Variants in SIGLEC5 observed in about 807,000 individuals in gnomAD.
SIGLEC5 encodes the protein sialic acid binding Ig like lectin 5.
In SIGLEC5, 34 loss-of-function variants were observed where a neutral mutation model predicts 45.9. That is an observed-to-expected ratio of 0.74 (90% CI 0.56 to 0.99). The LOEUF (loss-of-function observed/expected upper bound fraction) is 0.99. Among genes scored for constraint, SIGLEC5 ranks in the 50% least tolerant of loss-of-function variants. The probability of loss-of-function intolerance (pLI) is 0.00; values close to 1 mark genes in which losing one functional copy is unlikely to be tolerated. For missense variants in SIGLEC5, 508 were observed against 629.6 expected, an observed-to-expected ratio of 0.81 and a Z score of 2.07; for synonymous variants, 203 against 258.6, an observed-to-expected ratio of 0.79 and a Z score of 2.06.
At position 51,616,920 on chromosome 19, in the gene SIGLEC5, A is replaced by AAAC. The variant is rs1555787897; in HGVS notation, c.1465-4499_1465-4498insGTT. Reference sequence around the variant, plus strand: ...AGTGAGACTGTCAAAAAAAAAAAACAAAAAAAAAAAACACTTGAACATTTA... The same window carrying AAAC: ...AGTGAGACTGTCAAAAAAAAAAAACAAACAAAAAAAAAAACACTTGAACATTTA... On this transcript the variant is annotated intron_variant, in intron 8 of 8. Transcript: ENST00000683636. Among the ~76,000 whole-genome samples, 3 of 134,314 alleles carry AAAC rather than the reference A, an allele frequency of 2.2e-5. 1 individual carries two copies. Among genetic ancestry groups the AAAC allele is most frequent in the African/African-American group, 5.4e-5 (2 of 37,044 alleles). 88.1% of individuals were successfully genotyped at this position (134,314 alleles called of 152,430 possible).
At chr19:51,628,666 G>T (rs1297041451) in intron 4 of SIGLEC5, among the ~76,000 whole-genome samples, 1 of 151,218 alleles carries the variant, frequency 6.6e-6, no homozygotes. Context: ...ATGTGCATGT[G>T]TGCGTGTGTA....
chr19:51,616,481 G>A (rs1983058273), intron 8 of SIGLEC5, among the ~76,000 whole-genome samples: 1 of 152,204 alleles, frequency 6.6e-6, no homozygotes, highest in South Asian at 2.1e-4. Context: ...CCCAATGGAT[G>A]GGATGGAGAA....
Position 51,626,079 on chromosome 19 carries a change from G to T in SIGLEC5, c.1417C>A (p.Pro473Thr), listed in dbSNP as rs1003989431. 1 of 1,613,884 alleles carries T rather than the reference G, an allele frequency of 6.2e-7. No homozygotes were observed. The highest frequency in any genetic ancestry group is 8.5e-7 in the Non-Finnish European group (1 of 1,180,028). Residue 473 changes from proline (P) to threonine (T), a missense_variant, in exon 8 of 9, where the codon CCA becomes ACA. Physicochemically the swap from Pro to Thr is conservative, Grantham distance 38 (BLOSUM62 -1). Transcript: ENST00000683636. ...GGGTCTTCATCATCCATTTTCTCTG[G>T]TCTCCCAGCTGCTTGCTTCCTGCGG... ...KARRKQAAGR[P>T]EKMDDEDPIM...
At position 51,627,266 on chromosome 19, in the gene SIGLEC5, G is replaced by A. The variant is rs376109543; in HGVS notation, c.1283-18C>T. The A allele has an allele frequency of 3.5e-5, 57 of 1,607,440 alleles. No individual in the cohort carries two copies. Among genetic ancestry groups the A allele is most frequent in the African/African-American group, 2.0e-4 (15 of 74,740 alleles). ...CGATCTCCCTGCAGAAAAGAGGGGC[G>A]TGCAATAACTCACTCCCAGGACTCA... On this transcript the variant is annotated intron_variant, in intron 6 of 8. Transcript: ENST00000683636.
chr19:51,619,426 T>A (rs959675730), intron 8 of SIGLEC5, among the ~76,000 whole-genome samples: 7 of 152,150 alleles, frequency 4.6e-5, no homozygotes, highest in African/African-American at 1.4e-4. Flanking sequence ...TTTACAAAAA[T>A]TCATTGTATA....
At position 51,627,228 on chromosome 19, in the gene SIGLEC5, C is replaced by T; in HGVS notation, c.1303G>A (p.Gly435Arg). ...CCACCAAGGGCTGCAGGAACCACTC[C>T]TGTCCCGAGGTTCGATCTCCCTGCA... is the stretch of plus-strand genomic sequence containing the variant. ...LLQGRSNLGT[G>R]VVPAALGGAG... Residue 435 changes from glycine to arginine, a missense_variant, in exon 7 of 9, where the codon GGA (glycine) becomes AGA (arginine). By Grantham distance (125) the Gly-to-Arg change is moderately radical (BLOSUM62 -2). This residue lies in a region of SIGLEC5 where 431 missense variants were observed against 428.8 expected (regional missense o/e 1.01). Transcript: ENST00000683636. The T allele has an allele frequency of 6.2e-7, 1 of 1,614,104 alleles. No individual in the cohort carries two copies. Among genetic ancestry groups the T allele is most frequent in the Non-Finnish European group, 8.5e-7 (1 of 1,179,984 alleles).
rs116894305 is a variant in SIGLEC5 at position 51,611,100 on chromosome 19, A to G, written c.*1131T>C. Among the ~76,000 whole-genome samples, 2,696 of 152,334 alleles carry G rather than the reference A, an allele frequency of 0.018. 33 individuals carry two copies. The highest frequency in any genetic ancestry group is 0.029 in the Non-Finnish European group (1,998 of 68,030). ...TTTGGGTGGTAGATATTGAGAATCA[A>G]TGTCCTCCCAGTACTCCACTGGAAT... On this transcript the variant is annotated 3_prime_UTR_variant, in exon 9 of 9. Transcript: ENST00000683636.
intron 7 of SIGLEC5, 37 bp from the exon 8 acceptor site, chr19:51,626,150 C>T (rs1018132097): frequency 6.4e-7 from 1 of 1,560,442 alleles, no homozygotes; most frequent in Non-Finnish European, 8.8e-7. Flanking sequence ...GCTGGGACCA[C>T]CCAGGCACGG....
intron 7 of SIGLEC5, among the ~76,000 whole-genome samples, chr19:51,626,820 C>T (rs1184462137): frequency 6.6e-6 from 1 of 152,118 alleles, no homozygotes; most frequent in African/African-American, 2.4e-5. Flanking sequence ...ATGAATTGTA[C>T]AAAACATGTA....
rs775264277 is a variant in SIGLEC5 at position 51,612,346 on chromosome 19, T to A, written c.1541A>T (p.Glu514Val). 1 of 1,613,542 alleles carries A rather than the reference T, an allele frequency of 6.2e-7. No homozygotes were observed. The highest frequency in any genetic ancestry group is 1.3e-5 in the African/African-American group (1 of 75,014). ...GGAGGCATAATGGAGCTCCTTTTGTTCTTCCAAGGGAGGGGCATCCCCAGG... is the reference window on the plus strand; with the variant it reads ...GGAGGCATAATGGAGCTCCTTTTGTACTTCCAAGGGAGGGGCATCCCCAGG... ...SPPGDAPPLE[E>V]QKELHYASLS... The change falls in exon 9 of 9, where the codon GAA becomes GTA. Residue 514 changes from glutamate to valine, a missense_variant. Transcript: ENST00000683636.
Position 51,629,474 on chromosome 19 carries a change from G to T in SIGLEC5, c.584C>A (p.Ser195Tyr). Residue 195 changes from serine to tyrosine, a missense_variant, in exon 3 of 9, where the codon TCC (serine) becomes TAC (tyrosine). Coordinates refer to ENST00000683636, the MANE Select transcript of SIGLEC5 (RefSeq NM_003830.4). ...CCTGGGGGTGAGGGTGAGCTCCGAG[G>T]AGCGGGTGGTCTCGGGGTCCAGGGG... ...LSPLDPETTR[S>Y]SELTLTPRPE... 1.2e-6 allele frequency: 2 copies of T among 1,613,000 alleles called. No individual in the cohort carries two copies. The highest frequency in any genetic ancestry group is 1.7e-6 in the Non-Finnish European group (2 of 1,179,688).
chr19:51,612,309 A>G lies in SIGLEC5; in HGVS notation c.1578T>C (p.Ser526=). 1 of 1,613,320 alleles carries G rather than the reference A, an allele frequency of 6.2e-7. No individual in the cohort carries two copies. The part of the protein sequence containing the change: ...KELHYASLSF[S]EMKSREPKDQ... ...CCTTAGGCTCCCTCGACTTCATCTC[A>G]GAAAAACTAAGGGAGGCATAATGGA... The change falls in exon 9 of 9, where the codon TCT becomes TCC. Residue 526 remains serine, a synonymous_variant. Coordinates refer to ENST00000683636, the MANE Select transcript of SIGLEC5 (RefSeq NM_003830.4).
chr19:51,613,280 G>A (rs1407627555), intron 8 of SIGLEC5, among the ~76,000 whole-genome samples: 1 of 152,160 alleles, frequency 6.6e-6, no homozygotes, highest in Non-Finnish European at 1.5e-5. Context: ...TGAACATGAT[G>A]GCCAGATCTC....
At position 51,629,476 on chromosome 19, in the gene SIGLEC5, G is replaced by A. The variant is rs778148017; in HGVS notation, c.582C>T (p.Arg194=). The A allele has an allele frequency of 1.6e-5, 26 of 1,612,826 alleles. No homozygotes were observed. The highest frequency in any genetic ancestry group is 2.2e-5 in the Non-Finnish European group (26 of 1,179,672). The change falls in exon 3 of 9, where the codon CGC becomes CGT. Residue 194 remains arginine, a synonymous_variant. Coordinates refer to ENST00000683636, the MANE Select transcript of SIGLEC5 (RefSeq NM_003830.4). Reference sequence around the variant, plus strand: ...TGGGGGTGAGGGTGAGCTCCGAGGAGCGGGTGGTCTCGGGGTCCAGGGGGC... The same window carrying A: ...TGGGGGTGAGGGTGAGCTCCGAGGAACGGGTGGTCTCGGGGTCCAGGGGGC... ...ALSPLDPETT[R]SSELTLTPRP... is the part of the protein sequence containing the mutation.
At position 51,611,680 on chromosome 19, in the gene SIGLEC5, G is replaced by T. The variant is rs1200683181; in HGVS notation, c.*551C>A. Among the ~76,000 whole-genome samples the T allele has an allele frequency of 2.0e-5, 3 of 152,172 alleles. No individual in the cohort carries two copies. Among genetic ancestry groups the T allele is most frequent in the African/African-American group, 7.2e-5 (3 of 41,422 alleles). On this transcript the variant is annotated 3_prime_UTR_variant, in exon 9 of 9. Transcript: ENST00000683636. Reference sequence around the variant, plus strand: ...TGATGCAAGGATTGCAGGTAAAAGTGGGCAAAGATATGACTCTGGCAAGGA... The same window carrying T: ...TGATGCAAGGATTGCAGGTAAAAGTTGGCAAAGATATGACTCTGGCAAGGA...
At position 51,627,981 on chromosome 19, in the gene SIGLEC5, C is replaced by A. The variant is rs868543869; in HGVS notation, c.850G>T (p.Gly284Cys). The change falls in exon 5 of 9, where the codon GGC becomes TGC. Residue 284 changes from glycine (G) to cysteine (C), a missense_variant. Gly to Cys is a radical substitution (Grantham distance 159). Transcript: ENST00000683636. ...NPPAHLSWFQGSPALNATPIS... is the reference protein window; with the variant it reads ...NPPAHLSWFQCSPALNATPIS... ...GGGGTGGCGTTCAGGGCAGGGGAGC[C>A]CTGGAACCAGCTCAGGTGTGCAGGG... 1 of 1,613,460 alleles carries A rather than the reference C, an allele frequency of 6.2e-7. No individual in the cohort carries two copies. Among genetic ancestry groups the A allele is most frequent in the Non-Finnish European group, 8.5e-7 (1 of 1,179,736 alleles).
rs561016659 is a variant in SIGLEC5 at position 51,615,327 on chromosome 19, G to A, written c.1465-2905C>T. Among the ~76,000 whole-genome samples, 3 of 152,158 alleles carry A rather than the reference G, an allele frequency of 2.0e-5. No individual in the cohort carries two copies. In the South Asian group the frequency reaches 6.2e-4, roughly 32 times the overall value. Reference sequence around the variant, plus strand: ...GTTAAGGCTCATTTGAAGAAAAGGGGTGGGAGAACTGGGCGGGGGGACAGC... The same window carrying A: ...GTTAAGGCTCATTTGAAGAAAAGGGATGGGAGAACTGGGCGGGGGGACAGC... On this transcript the variant is annotated intron_variant, in intron 8 of 8. Transcript: ENST00000683636.
At chr19:51,628,726 GTGTGTGCATGTGTGCC>G (rs1373944277) in intron 4 of SIGLEC5, among the ~76,000 whole-genome samples, 5 of 150,692 alleles carry the variant, frequency 3.3e-5, no homozygotes, top group Admixed American at 1.3e-4. Flanking sequence ...TGTGTGTGGT[GTGTGTGCATGTGTGCC>G]TGTGTGCATG....
rs531680372 is a variant in SIGLEC5, at chr19:51,628,289, A to G, written c.740-198T>C. Among the ~76,000 whole-genome samples the G allele has an allele frequency of 6.5e-4, 99 of 152,268 alleles. 2 individuals are homozygous for G. Among genetic ancestry groups the G allele is most frequent in the South Asian group, 1.9e-3 (9 of 4,828 alleles). ...AAAAGTGTCTGAGTCTCATGTCTCC[A>G]GAGGAGGCTCAATATCTCACTGGTA... On this transcript the variant is annotated intron_variant, in intron 4 of 8. Transcript: ENST00000683636.
Sources: allele counts gnomAD v4.1 joint callset (sites outside exome capture counted in the v4.1 genomes callset), GRCh38; gene constraint gnomAD v4.1.1; regional missense constraint gnomAD v4.1.1; transcripts MANE v1.5; gene names NCBI Gene and HGNC (gene_info 2026-07-23, HGNC 2026-07-21).